Variants in STEAP3 observed in about 807,000 individuals in gnomAD.
STEAP3 encodes the protein STEAP3 metalloreductase, also known as metalloreductase STEAP3.
A neutral mutation model predicts 34.9 loss-of-function variants in STEAP3; 35 were observed. That is an observed-to-expected ratio of 1.00 (90% CI 0.76 to 1.33). The LOEUF (loss-of-function observed/expected upper bound fraction) is 1.33, where lower values mean the gene tolerates loss of function less well. Ranked by LOEUF, STEAP3 falls within the 40% of genes most tolerant of loss-of-function variation. The pLI is 0.00. For synonymous variants in STEAP3, 281 were observed against 301.6 expected, an observed-to-expected ratio of 0.93 and a Z score of 0.71; for missense variants, 652 against 667.6, an observed-to-expected ratio of 0.98 and a Z score of 0.26.
At chr2:119,237,100 A>G (rs369953321) in intron 2 of STEAP3, among the ~76,000 whole-genome samples, 13 of 152,364 alleles carry the variant, frequency 8.5e-5, no homozygotes, top group South Asian at 8.3e-4. Context: ...CTATAAAGGA[A>G]TACCTGAAGC....
intron 2 of STEAP3, among the ~76,000 whole-genome samples, chr2:119,236,999 C>T (rs556428098): frequency 6.6e-5 from 10 of 152,294 alleles, no homozygotes; most frequent in Middle Eastern, 6.8e-3. Flanking sequence ...CCAGAGGTCA[C>T]GGGGCTTAGG....
chr2:119,256,843 G>A (rs1031356385), intron 5 of STEAP3, among the ~76,000 whole-genome samples: 2 of 152,182 alleles, frequency 1.3e-5, no homozygotes, highest in Non-Finnish European at 2.9e-5. Flanking sequence ...TGCTCCAAGA[G>A]CCTCAGTTTA....
At position 119,230,885 on chromosome 2, in the gene STEAP3, C is replaced by T. The variant is rs1248707197; in HGVS notation, c.-128C>T. On this transcript the variant is annotated 5_prime_UTR_variant, in exon 2 of 6. Transcript: ENST00000393110. Reference sequence around the variant, plus strand: ...TGCAAGACCCTGGCAGGGCCCTCGCCTCCTGAGAAACCGAGAGTCAGAACC... The same window carrying T: ...TGCAAGACCCTGGCAGGGCCCTCGCTTCCTGAGAAACCGAGAGTCAGAACC... 1.5e-6 allele frequency: 2 copies of T among 1,322,942 alleles called. No individual in the cohort carries two copies. The allele number at this position is 1,322,942 out of a possible 1,614,324, so 82.0% of individuals were successfully genotyped here.
chr2:119,252,951 A>C (rs995876780), intron 4 of STEAP3, among the ~76,000 whole-genome samples: 9 of 152,244 alleles, frequency 5.9e-5, no homozygotes, highest in African/African-American at 2.2e-4. Context: ...CCCGAGGCGC[A>C]GAGAGGAATG....
intron 2 of STEAP3, among the ~76,000 whole-genome samples, chr2:119,233,154 C>T (rs969739989): frequency 6.6e-6 from 1 of 152,190 alleles, no homozygotes; most frequent in Non-Finnish European, 1.5e-5. Context: ...GGGCAGAACC[C>T]TCCAAATGGT....
At chr2:119,235,929 C>T (rs1281808538) in intron 2 of STEAP3, among the ~76,000 whole-genome samples, 1 of 152,196 alleles carries the variant, frequency 6.6e-6, no homozygotes, top group African/African-American at 2.4e-5. Context: ...GCCACCAGGG[C>T]TGTGGCCCTG....
chr2:119,250,652 C>T (rs1466038827), intron 4 of STEAP3, among the ~76,000 whole-genome samples: 1 of 152,062 alleles, frequency 6.6e-6, no homozygotes. Flanking sequence ...TGCCCACTAC[C>T]CCCCAGGGTA....
Position 119,263,080 on chromosome 2 carries a change from C to T in STEAP3, c.1239C>T (p.Leu413=), listed in dbSNP as rs752735656. Residue 413 remains leucine, a synonymous_variant, in exon 6 of 6, where the codon CTC becomes CTT. Coordinates refer to ENST00000393110, the MANE Select transcript of STEAP3 (RefSeq NM_182915.3). The part of the protein sequence containing the change: ...FVQSSLGFVA[L]VLSTLHTLTY... ...AGTCCTCACTGGGCTTTGTGGCCCT[C>T]GTGCTGAGCACACTGCACACGCTCA... The T allele has an allele frequency of 1.6e-5, 26 of 1,608,042 alleles. No homozygotes were observed. The highest frequency in any genetic ancestry group is 2.1e-5 in the Non-Finnish European group (25 of 1,179,974).
chr2:119,250,498 C>A (rs1474857997), intron 4 of STEAP3, among the ~76,000 whole-genome samples: 1 of 152,212 alleles, frequency 6.6e-6, no homozygotes, highest in African/African-American at 2.4e-5. Flanking sequence ...AAAGCACCAG[C>A]CCCTTGGCAG....
At chr2:119,258,994 T>A (rs143805647) in intron 5 of STEAP3, among the ~76,000 whole-genome samples, 142,497 of 151,810 alleles carry the variant, frequency 0.94, 66,939 homozygotes, top group East Asian at 1. Flanking sequence ...CAGCCAGTTT[T>A]AACTGGCTGT....
At chr2:119,261,591 C>T (rs1573585304) in intron 5 of STEAP3, among the ~76,000 whole-genome samples, 1 of 152,164 alleles carries the variant, frequency 6.6e-6, no homozygotes, top group South Asian at 2.1e-4. Context: ...ATGGAGGCTA[C>T]TGCAACTACT....
intron 2 of STEAP3, among the ~76,000 whole-genome samples, chr2:119,233,235 C>T (rs1676998863): frequency 2.0e-5 from 3 of 152,224 alleles, no homozygotes; most frequent in Non-Finnish European, 4.4e-5. Flanking sequence ...AGCCTCCTTC[C>T]ATGAGTACCC....
Position 119,230,197 on chromosome 2 carries a change from A to G in STEAP3, c.-393-423A>G, listed in dbSNP as rs550520415. ...GGGCTTGCACATAATTCACTTCAAC[A>G]ATGCAAAAGCTTCCAAACCTCCAGC... On this transcript the variant is annotated intron_variant, in intron 1 of 5. Coordinates refer to ENST00000393110, the MANE Select transcript of STEAP3 (RefSeq NM_182915.3). Among the ~76,000 whole-genome samples, 5 of 152,332 alleles carry G rather than the reference A, an allele frequency of 3.3e-5. No homozygotes were observed. In the South Asian group the frequency reaches 1.0e-3, roughly 32 times the overall value.
chr2:119,230,055 C>CAGGT (rs1679166728), intron 1 of STEAP3, among the ~76,000 whole-genome samples: 1 of 152,204 alleles, frequency 6.6e-6, no homozygotes, highest in Admixed American at 6.5e-5. Flanking sequence ...ATCTGAAAAA[C>CAGGT]AGGTTCTGCA....
chr2:119,248,197 A>G lies in STEAP3; in HGVS notation c.1041A>G (p.Ala347=). The change falls in exon 4 of 6, where the codon GCA becomes GCG. Residue 347 remains alanine (A), a synonymous_variant. Transcript: ENST00000393110. ...ACCGCTACGACCTGGTCAACCTGGC[A>G]GTCAAGCAGGTACCCACCCCATGCC... ...RAHRYDLVNL[A]VKQVLANKSH... is the part of the protein sequence containing the mutation. The G allele has an allele frequency of 6.3e-7, 1 of 1,585,354 alleles. No individual in the cohort carries two copies. The highest frequency in any genetic ancestry group is 8.6e-7 in the Non-Finnish European group (1 of 1,164,332).
chr2:119,243,050 G>A (rs142201212), intron 2 of STEAP3, among the ~76,000 whole-genome samples: 3 of 152,306 alleles, frequency 2.0e-5, no homozygotes, highest in African/African-American at 4.8e-5. Flanking sequence ...GTGTCTTGGC[G>A]GGTGCCTGCA....
At chr2:119,257,782 A>G in intron 5 of STEAP3, 1 of 1,275,646 alleles carries the variant, frequency 7.8e-7, no homozygotes, top group Non-Finnish European at 1.0e-6. Flanking sequence ...CACAGCAGAC[A>G]CCAGGCTATG....
chr2:119,242,649 G>A (rs978923338), intron 2 of STEAP3, among the ~76,000 whole-genome samples: 23 of 152,322 alleles, frequency 1.5e-4, no homozygotes, highest in South Asian at 4.1e-4. Context: ...ACTGAATGCC[G>A]TTTGCTGGGT....
At chr2:119,232,013 GC>G (rs1676956349) in intron 2 of STEAP3, among the ~76,000 whole-genome samples, 1 of 152,158 alleles carries the variant, frequency 6.6e-6, no homozygotes, top group South Asian at 2.1e-4. Context: ...TAAGAATGAA[GC>G]CTAGGGGTTC....
Sources: allele counts gnomAD v4.1 joint callset (sites outside exome capture counted in the v4.1 genomes callset), GRCh38; gene constraint gnomAD v4.1.1; transcripts MANE v1.5; gene names NCBI Gene and HGNC (gene_info 2026-07-23, HGNC 2026-07-21).